Variants in FRMD4B observed in about 807,000 individuals in gnomAD.
FRMD4B encodes FERM domain-containing protein 4B.
In FRMD4B, 74 loss-of-function variants were observed where a neutral mutation model predicts 141.5. That is an observed-to-expected ratio of 0.52 (90% CI 0.43 to 0.63). FRMD4B has a LOEUF of 0.63. Among genes scored for constraint, FRMD4B ranks in the 30% least tolerant of loss-of-function variants. FRMD4B has a pLI of 0.00. For synonymous variants in FRMD4B, 506 were observed against 467.9 expected, an observed-to-expected ratio of 1.08 and a Z score of -1.05; for missense variants, 1,366 against 1,253.4, an observed-to-expected ratio of 1.09 and a Z score of -1.36.
In FRMD4B at chr3:69,196,917, C is replaced by G. The variant is rs1357062336; in HGVS notation, c.1075G>C (p.Asp359His). Residue 359 changes from aspartate to histidine, a missense_variant, in exon 13 of 23, where the codon GAC (aspartate) becomes CAC (histidine). Coordinates refer to ENST00000398540, the MANE Select transcript of FRMD4B (RefSeq NM_015123.3). ...TTACTTACTTTGCTTTGCTTCCGGT[C>G]CAAGTAAAACTGATGCTGACTAATT... ...MAISQHQFYL[D>H]RKQSKAKIPS... The G allele has an allele frequency of 6.2e-7, 1 of 1,611,088 alleles. No homozygotes were observed. Among genetic ancestry groups the G allele is most frequent in the South Asian group, 1.1e-5 (1 of 90,878 alleles).
chr3:69,331,319 C>T (rs544513284), intron 1 of FRMD4B, among the ~76,000 whole-genome samples: 1 of 152,278 alleles, frequency 6.6e-6, no homozygotes, highest in South Asian at 2.1e-4. Flanking sequence ...CTGGGTGCAG[C>T]TGGCCACTCA....
At chr3:69,273,823 A>G (rs1055433711) in intron 5 of FRMD4B, among the ~76,000 whole-genome samples, 1 of 152,120 alleles carries the variant, frequency 6.6e-6, no homozygotes, top group African/African-American at 2.4e-5. Flanking sequence ...TAAAGGAAGA[A>G]TTCAACATAA....
chr3:69,326,596 G>A (rs1053528481), intron 1 of FRMD4B, among the ~76,000 whole-genome samples: 3 of 152,182 alleles, frequency 2.0e-5, no homozygotes, highest in Non-Finnish European at 2.9e-5. Flanking sequence ...ACCTACCTGT[G>A]AAGCAGATAG....
At position 69,218,356 on chromosome 3, in the gene FRMD4B, A is replaced by T; in HGVS notation, c.755T>A (p.Leu252Gln). The part of the protein sequence containing the change: ...VVQYMKIVEA[L>Q]PTYGVHYYAV... Reference sequence around the variant, plus strand: ...ATAATAATGGACACCGTAAGTCGGTAGAGCTTCTACTATTTTCATATACCT... The same window carrying T: ...ATAATAATGGACACCGTAAGTCGGTTGAGCTTCTACTATTTTCATATACCT... Residue 252 changes from leucine (L) to glutamine (Q), a missense_variant, in exon 10 of 23, where the codon CTA becomes CAA. Coordinates refer to ENST00000398540, the MANE Select transcript of FRMD4B (RefSeq NM_015123.3). The T allele has an allele frequency of 6.7e-7, 1 of 1,499,506 alleles. No homozygotes were observed. Among genetic ancestry groups the T allele is most frequent in the Non-Finnish European group, 9.3e-7 (1 of 1,080,632 alleles). The allele number at this position is 1,499,506 out of a possible 1,614,324, so 92.9% of individuals were successfully genotyped here.
chr3:69,301,069 TA>T (rs144026707), intron 4 of FRMD4B, among the ~76,000 whole-genome samples: 9,805 of 152,152 alleles, frequency 0.064, 349 homozygotes, highest in African/African-American at 0.09. Flanking sequence ...CAACTAGAAA[TA>T]GCCTAAATGC....
chr3:69,252,984 C>G (rs1289710175), intron 5 of FRMD4B, among the ~76,000 whole-genome samples: 1 of 151,912 alleles, frequency 6.6e-6, no homozygotes, highest in Admixed American at 6.6e-5. Context: ...GCTAATTTAA[C>G]TGGGTTATAA....
At chr3:69,222,732 T>C (rs975112239) in intron 8 of FRMD4B, among the ~76,000 whole-genome samples, 13 of 152,186 alleles carry the variant, frequency 8.5e-5, no homozygotes, top group East Asian at 1.9e-4. Context: ...GCTTGCGCCA[T>C]TGCACTCCAG....
rs550339152 is a variant in FRMD4B, at chr3:69,460,104, G to A, written c.-128-27343C>T. The stretch of plus-strand genomic sequence containing the variant: ...CCCCTCTCATTCCCCACAGCCTTTC[G>A]CTTCAGAGATTTCCATCACACATGT... On this transcript the variant is annotated intron_variant, in intron 1 of 5. Coordinates refer to the FRMD4B transcript ENST00000459638. 1.1e-4 allele frequency among the ~76,000 whole-genome samples: 17 copies of A among 152,226 alleles called. No individual in the cohort carries two copies. The East Asian group carries it at 1.5e-3, about 14-fold the overall frequency.
chr3:69,475,668 C>A (rs984686577), intron 1 of FRMD4B, among the ~76,000 whole-genome samples: 1 of 152,070 alleles, frequency 6.6e-6, no homozygotes, highest in East Asian at 1.9e-4. Context: ...AATAAACATA[C>A]GTGTGCATGT....
At chr3:69,382,461 CACTGCACCCAGCCCAA>C (rs1704139856) in intron 1 of FRMD4B, among the ~76,000 whole-genome samples, 2 of 152,220 alleles carry the variant, frequency 1.3e-5, no homozygotes, top group Non-Finnish European at 2.9e-5. Flanking sequence ...AGGTGTGAGC[CACTGCACCCAGCCCAA>C]TCCCTCCCAT....
rs912828881 is a variant in FRMD4B at position 69,332,892 on chromosome 3, T to G, written c.163-19375A>C. ...CTGTGCCCAGCCAGGAGCTCCTTTT[T>G]TCTATCGCTTCAAACCATCTCCTCG... On this transcript the variant is annotated intron_variant, in intron 1 of 22. Transcript: ENST00000398540. Among the ~76,000 whole-genome samples the G allele has an allele frequency of 2.0e-5, 3 of 152,104 alleles. 1 individual carries two copies. Among genetic ancestry groups the G allele is most frequent in the South Asian group, 4.2e-4 (2 of 4,818 alleles).
At position 69,289,122 on chromosome 3, in the gene FRMD4B, C is replaced by T. The variant is rs144415053; in HGVS notation, c.417-1286G>A. ...ATTTATGAGAAGAGAAAGTTAAGTA[C>T]AAAGGTGGTGAAGGAAATGAGGAGT... On this transcript the variant is annotated intron_variant, in intron 4 of 22. Coordinates refer to ENST00000398540, the MANE Select transcript of FRMD4B (RefSeq NM_015123.3). Among the ~76,000 whole-genome samples, 995 of 152,154 alleles carry T rather than the reference C, an allele frequency of 6.5e-3. 3 individuals are homozygous for T. The highest frequency in any genetic ancestry group is 0.01 in the Non-Finnish European group (697 of 67,988).
chr3:69,174,940 C>T (rs1161712005), intron 22 of FRMD4B, among the ~76,000 whole-genome samples: 2 of 152,122 alleles, frequency 1.3e-5, no homozygotes, highest in African/African-American at 4.8e-5. Flanking sequence ...ACATTATTTA[C>T]AGAAGTCCAA....
At chr3:69,187,962 A>C in intron 18 of FRMD4B, 45 bp from the exon 19 acceptor site, 1 of 1,040,470 alleles carries the variant, frequency 9.6e-7, no homozygotes. Context: ...TAGGCAAATT[A>C]ATAGGTAAAT....
chr3:69,528,982 C>A (rs1304276386), intron 1 of FRMD4B, among the ~76,000 whole-genome samples: 2 of 152,114 alleles, frequency 1.3e-5, no homozygotes, highest in African/African-American at 4.8e-5. Context: ...TGCTAATTCC[C>A]CTGCATTTCC....
At chr3:69,298,182 T>C (rs1260500454) in intron 4 of FRMD4B, among the ~76,000 whole-genome samples, 1 of 152,256 alleles carries the variant, frequency 6.6e-6, no homozygotes, top group Non-Finnish European at 1.5e-5. Context: ...GAGAGAAAAC[T>C]TCTTGAGAGC....
intron 2 of FRMD4B, 46 bp from the exon 3 acceptor site, chr3:69,311,403 C>CT (rs752047333): frequency 3.1e-5 from 27 of 864,790 alleles, no homozygotes; most frequent in South Asian, 2.4e-4. Flanking sequence ...TTGCCTCTCT[C>CT]TTACTGCTAC....
exon 1 of FRMD4B, chr3:69,542,560 C>G (rs1051032560): frequency 6.6e-6 from 1 of 152,598 alleles, no homozygotes; most frequent in African/African-American, 2.4e-5. Flanking sequence ...TCGCGTCCTT[C>G]CGTCCTGCCT....
Position 69,196,235 on chromosome 3 carries a change from C to A in FRMD4B, c.1234+20G>T, listed in dbSNP as rs1222255169. On this transcript the variant is annotated intron_variant, in intron 14 of 22. Coordinates refer to ENST00000398540, the MANE Select transcript of FRMD4B (RefSeq NM_015123.3). ...ACGAAATAAAGATGGCTTGCACGTTCTCTAATCCCAAGATGTTACCTGAGG... is the reference window on the plus strand; with the variant it reads ...ACGAAATAAAGATGGCTTGCACGTTATCTAATCCCAAGATGTTACCTGAGG... 4 of 1,552,670 alleles carry A rather than the reference C, an allele frequency of 2.6e-6. No individual in the cohort carries two copies. The highest frequency in any genetic ancestry group is 3.5e-6 in the Non-Finnish European group (4 of 1,154,522).
Sources: allele counts gnomAD v4.1 joint callset (sites outside exome capture counted in the v4.1 genomes callset), GRCh38; gene constraint gnomAD v4.1.1; transcripts MANE v1.5; gene names NCBI Gene and HGNC (gene_info 2026-07-23, HGNC 2026-07-21).